Variants in ARSB observed in about 807,000 individuals in gnomAD.
ARSB encodes the protein N-acetylgalactosamine-4-sulfatase.
In ARSB, 41 loss-of-function variants were observed where a neutral mutation model predicts 50.9. The ratio of observed to expected loss-of-function variants is 0.81; its 90% CI spans 0.63 to 1.04. The LOEUF (loss-of-function observed/expected upper bound fraction) is 1.04, where lower values mean the gene tolerates loss of function less well. ARSB is among the 50% of genes least tolerant of loss of function. The pLI, the probability that ARSB is intolerant of heterozygous loss-of-function variation, is 0.00. For synonymous variants in ARSB, 269 were observed against 284.8 expected (o/e 0.94, Z 0.56); for missense variants, 672 against 693.3 (o/e 0.97, Z 0.35).
Position 78,912,764 on chromosome 5 carries a change from G to A in ARSB, c.899-26937C>T, listed in dbSNP as rs182384196. ...GGAGCTTCTCCCCCATGTGACCAAC[G>A]CATCTACATTTTACAGGAATTTCTT... On this transcript the variant is annotated intron_variant, in intron 4 of 7. Transcript: ENST00000264914. 2.6e-5 allele frequency among the ~76,000 whole-genome samples: 4 copies of A among 152,252 alleles called. No individual in the cohort carries two copies. The East Asian group carries it at 7.7e-4, about 29-fold the overall frequency.
In ARSB at chr5:78,984,933, G is replaced by C. The variant is rs770927433; in HGVS notation, c.312+4C>G. ...GCGGCGCGGGCGGCGGGGGCGCCGC[G>C]TACCTGGTAGCGGCCAGTGAGCAGC... On this transcript the variant is annotated splice_donor_region_variant and intron_variant, in intron 1 of 7. Coordinates refer to ENST00000264914, the MANE Select transcript of ARSB (RefSeq NM_000046.5). The C allele has an allele frequency of 7.3e-7, 1 of 1,377,116 alleles. No individual in the cohort carries two copies. The highest frequency in any genetic ancestry group is 9.4e-7 in the Non-Finnish European group (1 of 1,063,586). 85.3% of individuals were successfully genotyped at this position (1,377,116 alleles called of 1,614,324 possible).
At chr5:78,963,785 A>G (rs1752093848) in intron 3 of ARSB, among the ~76,000 whole-genome samples, 1 of 152,172 alleles carries the variant, frequency 6.6e-6, no homozygotes, top group Admixed American at 6.5e-5. Context: ...ATTCTCCCCA[A>G]GTTGTTCTAT....
chr5:78,979,536 C>T (rs1178588302), intron 1 of ARSB, among the ~76,000 whole-genome samples: 1 of 152,200 alleles, frequency 6.6e-6, no homozygotes, highest in South Asian at 2.1e-4. Context: ...GGTGGAGCCA[C>T]GGAGGTGGCG....
At chr5:78,828,237 A>C (rs1347821796) in intron 6 of ARSB, among the ~76,000 whole-genome samples, 4 of 142,784 alleles carry the variant, frequency 2.8e-5, no homozygotes, top group African/African-American at 1.2e-4. Flanking sequence ...TGTATTTTTA[A>C]AAATTTTGAG....
chr5:78,905,910 CAAAAAAAAAAAAA>C (rs57651882), intron 4 of ARSB, among the ~76,000 whole-genome samples: 38 of 94,416 alleles, frequency 4.0e-4, no homozygotes, highest in Non-Finnish European at 6.2e-4. Flanking sequence ...AGCAAAGTAG[CAAAAAAAAAAAAA>C]AAAAAAAAAA....
intron 1 of ARSB, among the ~76,000 whole-genome samples, chr5:78,979,566 A>C (rs1752810023): frequency 6.6e-6 from 1 of 152,126 alleles, no homozygotes; most frequent in Admixed American, 6.5e-5. Flanking sequence ...TCCTCTTCCT[A>C]TGGCACCTGG....
At chr5:78,878,895 C>T (rs1246498575) in intron 5 of ARSB, among the ~76,000 whole-genome samples, 1 of 151,992 alleles carries the variant, frequency 6.6e-6, no homozygotes, top group Non-Finnish European at 1.5e-5. Context: ...GCTCTGTTGC[C>T]CAGGCTGGAG....
chr5:78,906,152 A>G (rs904827703), intron 4 of ARSB, among the ~76,000 whole-genome samples: 1 of 146,146 alleles, frequency 6.8e-6, no homozygotes, highest in African/African-American at 2.6e-5. Flanking sequence ...TCCAATCGCT[A>G]ACCAAACATA....
At chr5:78,939,684 G>A (rs184092830) in intron 4 of ARSB, among the ~76,000 whole-genome samples, 2 of 152,090 alleles carry the variant, frequency 1.3e-5, no homozygotes, top group Non-Finnish European at 2.9e-5. Context: ...TCTATCATTG[G>A]TGGACATTTG....
At chr5:78,859,338 T>G (rs1477875092) in intron 5 of ARSB, among the ~76,000 whole-genome samples, 1 of 151,744 alleles carries the variant, frequency 6.6e-6, no homozygotes, top group Admixed American at 6.6e-5. Flanking sequence ...TTAAGTAGTC[T>G]AGAGAAAAAA....
chr5:78,839,511 A>C, intron 5 of ARSB, 85 bp from the exon 6 acceptor site: 1 of 1,274,514 alleles, frequency 7.8e-7, no homozygotes, highest in South Asian at 1.2e-5. Flanking sequence ...TTGTACTTAT[A>C]GGAAATAACA....
rs902353325 is a variant in ARSB at position 78,923,748 on chromosome 5, G to T, written c.898+31547C>A. 2.6e-5 allele frequency among the ~76,000 whole-genome samples: 4 copies of T among 152,186 alleles called. No individual in the cohort carries two copies. In the East Asian group the frequency reaches 5.8e-4, roughly 22 times the overall value. On this transcript the variant is annotated intron_variant, in intron 4 of 7. Coordinates refer to ENST00000264914, the MANE Select transcript of ARSB (RefSeq NM_000046.5). ...GCTATTGAGTCATTAGCTCCTGCTT[G>T]CCCCAATCCTACCCAGTTGCAAATT...
chr5:78,935,609 A>G (rs1750541123), intron 4 of ARSB, among the ~76,000 whole-genome samples: 1 of 152,330 alleles, frequency 6.6e-6, no homozygotes, highest in East Asian at 1.9e-4. Context: ...ATAAAAACAA[A>G]TAAAAAGCAA....
At chr5:78,850,520 C>CT (rs1234560949) in intron 5 of ARSB, among the ~76,000 whole-genome samples, 11 of 152,082 alleles carry the variant, frequency 7.2e-5, no homozygotes, top group African/African-American at 2.4e-4. Flanking sequence ...CTAAAATTCT[C>CT]TTTTTTGGTT....
rs181279316 is a variant in ARSB, at chr5:78,863,340, A to C, written c.1142+22244T>G. Among the ~76,000 whole-genome samples, 245 of 152,326 alleles carry C rather than the reference A, an allele frequency of 1.6e-3. 1 individual carries two copies. The highest frequency in any genetic ancestry group is 5.6e-3 in the African/African-American group (232 of 41,570). Reference sequence around the variant, plus strand: ...TATTGCAGCACTATTCACAATAGCGAAGACTTGGAATCAACTCACATGTCC... The same window carrying C: ...TATTGCAGCACTATTCACAATAGCGCAGACTTGGAATCAACTCACATGTCC... On this transcript the variant is annotated intron_variant, in intron 5 of 7. Coordinates refer to ENST00000264914, the MANE Select transcript of ARSB (RefSeq NM_000046.5).
At position 78,955,377 on chromosome 5, in the gene ARSB, A is replaced by G; in HGVS notation, c.816T>C (p.Leu272=). ...TGACATTTCCTACTGCTTCATCCAT[A>G]AGGGACACCATTCCTGCATAGTGAT... ...NRHHYAGMVS[L]MDEAVGNVTA... The change falls in exon 4 of 8, where the codon CTT becomes CTC. Residue 272 remains leucine (L), a synonymous_variant. Transcript: ENST00000264914. 1 of 1,614,164 alleles carries G rather than the reference A, an allele frequency of 6.2e-7. No homozygotes were observed. The highest frequency in any genetic ancestry group is 8.5e-7 in the Non-Finnish European group (1 of 1,180,026).
chr5:78,921,510 C>T (rs766857249), intron 4 of ARSB, among the ~76,000 whole-genome samples: 11 of 152,194 alleles, frequency 7.2e-5, no homozygotes, highest in Admixed American at 1.3e-4. Context: ...TTTGGATATA[C>T]GGAATATCTA....
chr5:78,786,768 T>G (rs1749090747), intron 6 of ARSB, among the ~76,000 whole-genome samples: 3 of 152,102 alleles, frequency 2.0e-5, no homozygotes, highest in Admixed American at 2.0e-4. Context: ...TACAGGCACA[T>G]GCCATCATGC....
At chr5:78,789,692 G>A (rs1157444316) in intron 6 of ARSB, among the ~76,000 whole-genome samples, 1 of 152,164 alleles carries the variant, frequency 6.6e-6, no homozygotes, top group Non-Finnish European at 1.5e-5. Flanking sequence ...ATTTGGGGTG[G>A]AAGCCATAGA....
Sources: gnomAD v4.1 joint callset for allele counts (sites outside exome capture counted in the v4.1 genomes callset) on GRCh38, gnomAD v4.1.1 for gene constraint, MANE v1.5 for transcripts, NCBI Gene and HGNC (gene_info 2026-07-23, HGNC 2026-07-21) for gene names.